The following FAXC variants were observed in gnomAD, a reference collection of about 807,000 sequenced individuals.
FAXC encodes the protein failed axon connections homolog, metaxin like GST domain containing.
In FAXC, 10 loss-of-function variants were observed where a neutral mutation model predicts 41.9. The ratio of observed to expected loss-of-function variants is 0.24; its 90% CI spans 0.15 to 0.41. The LOEUF is 0.41. Ranked by LOEUF, FAXC falls within the 10% of genes least tolerant of loss-of-function variation. The pLI is 1.00. For missense variants in FAXC, 399 were observed against 510.9 expected (o/e 0.78, Z 2.11); for synonymous variants, 183 against 183.8 (o/e 1.00, Z 0.03).
At chr6:99,296,871 G>A (rs1771519079) in intron 4 of FAXC, among the ~76,000 whole-genome samples, 1 of 152,146 alleles carries the variant, frequency 6.6e-6, no homozygotes, top group African/African-American at 2.4e-5. Context: ...AGTTGGCCCT[G>A]GATATCTGTA....
At chr6:99,300,382 G>A (rs1025278963) in intron 4 of FAXC, among the ~76,000 whole-genome samples, 2 of 152,210 alleles carry the variant, frequency 1.3e-5, no homozygotes, top group Non-Finnish European at 2.9e-5. Context: ...CTCAGGATGA[G>A]GCAAATGCCT....
intron 4 of FAXC, among the ~76,000 whole-genome samples, chr6:99,305,985 G>A (rs1382884762): frequency 6.6e-6 from 1 of 152,052 alleles, no homozygotes; most frequent in Non-Finnish European, 1.5e-5. Flanking sequence ...ATTAAAAAAA[G>A]CAGCCAATGA....
chr6:99,305,717 T>TAC (rs1224162184), intron 4 of FAXC, among the ~76,000 whole-genome samples: 1 of 148,888 alleles, frequency 6.7e-6, no homozygotes, highest in East Asian at 1.9e-4. Context: ...TATTATAACA[T>TAC]ATATATATTA....
upstream of FAXC, chr6:99,349,760 G>A (rs1410548397): frequency 6.6e-6 from 1 of 151,992 alleles, no homozygotes; most frequent in Non-Finnish European, 1.5e-5. Context: ...CCGCATCTCC[G>A]CGGTCCGGCC....
intron 4 of FAXC, among the ~76,000 whole-genome samples, chr6:99,317,446 G>A (rs887844595): frequency 6.6e-6 from 1 of 152,176 alleles, no homozygotes; most frequent in African/African-American, 2.4e-5. Flanking sequence ...ACTTGCCAGT[G>A]GAAGTCGTGG....
chr6:99,326,584 A>G (rs553476181), intron 3 of FAXC, among the ~76,000 whole-genome samples: 1 of 152,284 alleles, frequency 6.6e-6, no homozygotes, highest in Admixed American at 6.5e-5. Flanking sequence ...GACTCCAGAT[A>G]GAGAACTGGT....
intron 4 of FAXC, among the ~76,000 whole-genome samples, chr6:99,307,852 G>T (rs1470190116): frequency 6.6e-6 from 1 of 152,116 alleles, no homozygotes; most frequent in Non-Finnish European, 1.5e-5. Context: ...AAACCTTTAA[G>T]ATTCCATGTG....
intron 4 of FAXC, among the ~76,000 whole-genome samples, chr6:99,306,505 A>G (rs747067336): frequency 1.3e-5 from 2 of 152,106 alleles, no homozygotes; most frequent in Non-Finnish European, 2.9e-5. Context: ...AAGATCTAGA[A>G]AACAGCTGGG....
chr6:99,334,083 AACT>A (rs1166767351), intron 2 of FAXC, among the ~76,000 whole-genome samples: 1 of 152,192 alleles, frequency 6.6e-6, no homozygotes, highest in Non-Finnish European at 1.5e-5. Context: ...CAACATATTC[AACT>A]ACTGTGCCTC....
In FAXC at chr6:99,279,906, T is replaced by G. The variant is rs1426239194; in HGVS notation, c.*1258A>C. 6.6e-6 allele frequency: 1 copy of G among 152,242 alleles called. No homozygotes were observed. Among genetic ancestry groups the G allele is most frequent in the Admixed American group, 6.5e-5 (1 of 15,280 alleles). The allele number at this position is 152,242 out of a possible 1,614,324, so 9.4% of individuals were successfully genotyped here. Reference sequence around the variant, plus strand: ...ATAGTCTAACACTGCACAGAGTGCTTTGATACAAGTATCCTCTTGCTACTT... The same window carrying G: ...ATAGTCTAACACTGCACAGAGTGCTGTGATACAAGTATCCTCTTGCTACTT... On this transcript the variant is annotated 3_prime_UTR_variant, in exon 6 of 6. Transcript: ENST00000389677.
At chr6:99,295,220 T>C (rs1201312769) in intron 4 of FAXC, among the ~76,000 whole-genome samples, 1 of 152,222 alleles carries the variant, frequency 6.6e-6, no homozygotes, top group Non-Finnish European at 1.5e-5. Context: ...ATTATATATG[T>C]GTACACACAT....
At position 99,323,603 on chromosome 6, in the gene FAXC, C is replaced by G. The variant is rs536169961; in HGVS notation, c.664G>C (p.Gly222Arg). The G allele has an allele frequency of 4.3e-6, 7 of 1,614,242 alleles. No homozygotes were observed. In the African/African-American group the frequency reaches 9.3e-5, roughly 22 times the overall value. Reference sequence around the variant, plus strand: ...AGCAGGTTGCTGAAGGGACCACCACCACTAAGAGAGAGCATCTTCCGGGTC... The same window carrying G: ...AGCAGGTTGCTGAAGGGACCACCACGACTAAGAGAGAGCATCTTCCGGGTC... Reference protein sequence around the residue: ...NETRKMLSLSGGGPFSNLLRW... With the variant: ...NETRKMLSLSRGGPFSNLLRW... Residue 222 changes from glycine (G) to arginine (R), a missense_variant, in exon 4 of 6, where the codon GGT becomes CGT. Physicochemically the swap from Gly to Arg is moderately radical, Grantham distance 125 (BLOSUM62 -2). Coordinates refer to ENST00000389677, the MANE Select transcript of FAXC (RefSeq NM_032511.4).
intron 4 of FAXC, among the ~76,000 whole-genome samples, chr6:99,316,020 G>C (rs1772336217): frequency 6.6e-6 from 1 of 152,062 alleles, no homozygotes; most frequent in Non-Finnish European, 1.5e-5. Context: ...CAAACATTAG[G>C]TTTTAGTAAT....
rs2128445885 is a variant in FAXC at position 99,280,464 on chromosome 6, C to T, written c.*700G>A. 6.6e-6 allele frequency: 1 copy of T among 152,478 alleles called. No homozygotes were observed. Among genetic ancestry groups the T allele is most frequent in the South Asian group, 2.1e-4 (1 of 4,828 alleles). The allele number at this position is 152,478 out of a possible 1,614,324, so 9.4% of individuals were successfully genotyped here. ...GTTTAAAGCGCCGTACGAATGTTACCACATGAATCCCCACAACACCCCTGT... is the reference window on the plus strand; with the variant it reads ...GTTTAAAGCGCCGTACGAATGTTACTACATGAATCCCCACAACACCCCTGT... On this transcript the variant is annotated 3_prime_UTR_variant, in exon 6 of 6. Coordinates refer to ENST00000389677, the MANE Select transcript of FAXC (RefSeq NM_032511.4).
Position 99,349,495 on chromosome 6 carries a change from C to T in FAXC, c.-123G>A, listed in dbSNP as rs1038295051. Reference sequence around the variant, plus strand: ...GCGCGGGCGGCGCGGGCGGCGGCGACTGAGGAGGCGGCGGCGACTGAGGAG... The same window carrying T: ...GCGCGGGCGGCGCGGGCGGCGGCGATTGAGGAGGCGGCGGCGACTGAGGAG... On this transcript the variant is annotated 5_prime_UTR_variant, in exon 1 of 6. Transcript: ENST00000389677. 2,505 of 684,994 alleles carry T rather than the reference C, an allele frequency of 3.7e-3. 5 individuals are homozygous for T. Among genetic ancestry groups the T allele is most frequent in the Non-Finnish European group, 3.8e-3 (2,107 of 557,206 alleles). The allele number at this position is 684,994 out of a possible 1,614,324, so 42.4% of individuals were successfully genotyped here. A position where few individuals can be genotyped will look rare whatever the true frequency, so the allele number is the denominator to read the frequency against.
chr6:99,314,447 G>C (rs540342714), intron 4 of FAXC, among the ~76,000 whole-genome samples: 1 of 152,084 alleles, frequency 6.6e-6, no homozygotes, highest in Non-Finnish European at 1.5e-5. Flanking sequence ...GGTAGCACAC[G>C]CCTGTGGTCC....
At chr6:99,281,774 C>T (rs1350314871) in intron 5 of FAXC, among the ~76,000 whole-genome samples, 1 of 152,214 alleles carries the variant, frequency 6.6e-6, no homozygotes, top group African/African-American at 2.4e-5. Flanking sequence ...GGGCCAGAGT[C>T]GTGATCCTGC....
chr6:99,287,557 C>T (rs763722681), intron 5 of FAXC, among the ~76,000 whole-genome samples: 1 of 152,146 alleles, frequency 6.6e-6, no homozygotes, highest in Non-Finnish European at 1.5e-5. Context: ...GCTTGTGTGG[C>T]TTTATAAATA....
At chr6:99,330,233 G>C (rs1772982903) in intron 3 of FAXC, among the ~76,000 whole-genome samples, 1 of 152,124 alleles carries the variant, frequency 6.6e-6, no homozygotes, top group African/African-American at 2.4e-5. Flanking sequence ...ATATGGGGTT[G>C]AAAGACTCTG....
Sources: gnomAD v4.1 joint callset for allele counts (sites outside exome capture counted in the v4.1 genomes callset) on GRCh38, gnomAD v4.1.1 for gene constraint, MANE v1.5 for transcripts, NCBI Gene and HGNC (gene_info 2026-07-23, HGNC 2026-07-21) for gene names.